Variants in SENP7 observed in about 807,000 individuals in gnomAD.
The protein encoded by SENP7 is sentrin-specific protease 7.
In SENP7, 64 loss-of-function variants were observed where a neutral mutation model predicts 141.2. The observed-to-expected ratio is 0.45, with a 90% CI of 0.37 to 0.56. The LOEUF (loss-of-function observed/expected upper bound fraction) is 0.56. SENP7 is among the 20% of genes least tolerant of loss of function. The pLI, the probability that SENP7 is intolerant of heterozygous loss-of-function variation, is 0.00. For missense variants in SENP7, 1,025 were observed against 1,212.2 expected (o/e 0.85, Z 2.29); for synonymous variants, 382 against 426.4 (o/e 0.90, Z 1.28).
intron 23 of SENP7, 39 bp downstream of exon 23, chr3:101,327,627 G>T (rs762067129): frequency 3.9e-6 from 6 of 1,524,804 alleles, no homozygotes; most frequent in Non-Finnish European, 2.7e-6. Context: ...CCGTATGGTG[G>T]TAACTGTGAA....
chr3:101,397,175 C>A (rs1454983596), intron 6 of SENP7, among the ~76,000 whole-genome samples: 1 of 151,990 alleles, frequency 6.6e-6, no homozygotes, highest in Middle Eastern at 3.4e-3. Context: ...GCCCTGTCAC[C>A]CAGGCTAGGA....
At chr3:101,361,152 C>A (rs1351719899) in intron 11 of SENP7, among the ~76,000 whole-genome samples, 1 of 151,824 alleles carries the variant, frequency 6.6e-6, no homozygotes, top group African/African-American at 2.4e-5. Flanking sequence ...TTGCAGTGAG[C>A]CAAGATCAGT....
Position 101,417,585 on chromosome 3 carries a change from C to T in SENP7, c.482+8G>A, listed in dbSNP as rs1408093183. 6.2e-7 allele frequency: 1 copy of T among 1,604,236 alleles called. No individual in the cohort carries two copies. Among genetic ancestry groups the T allele is most frequent in the African/African-American group, 1.3e-5 (1 of 74,704 alleles). ...TAAGTTGAACAAAATCAATACTGAACAACATACCTTTCAGATAAATTAAGG... is the reference window on the plus strand; with the variant it reads ...TAAGTTGAACAAAATCAATACTGAATAACATACCTTTCAGATAAATTAAGG... On this transcript the variant is annotated splice_region_variant and intron_variant, in intron 5 of 23. Coordinates refer to ENST00000394095, the MANE Select transcript of SENP7 (RefSeq NM_020654.5).
At chr3:101,429,417 T>C (rs1248799531) in intron 4 of SENP7, among the ~76,000 whole-genome samples, 1 of 152,192 alleles carries the variant, frequency 6.6e-6, no homozygotes, top group Non-Finnish European at 1.5e-5. Flanking sequence ...ACATCCCTTG[T>C]AAGTTGGATT....
intron 7 of SENP7, among the ~76,000 whole-genome samples, chr3:101,370,274 G>C (rs535514566): frequency 1.3e-5 from 2 of 152,220 alleles, no homozygotes; most frequent in South Asian, 4.1e-4. Flanking sequence ...GTCAATGTGA[G>C]GACTGTTAGT....
At chr3:101,352,993 G>C (rs927519171) in intron 11 of SENP7, among the ~76,000 whole-genome samples, 3 of 151,958 alleles carry the variant, frequency 2.0e-5, no homozygotes, top group Non-Finnish European at 2.9e-5. Context: ...ACTTACACAA[G>C]TAGTAAGTAG....
intron 4 of SENP7, among the ~76,000 whole-genome samples, chr3:101,421,536 G>T (rs2061791293): frequency 6.6e-6 from 1 of 151,942 alleles, no homozygotes; most frequent in Admixed American, 6.6e-5. Context: ...ATTCAATGTT[G>T]GAAAAAGCCA....
At chr3:101,357,358 C>T (rs2059772782) in intron 11 of SENP7, 1 of 688,378 alleles carries the variant, frequency 1.5e-6, no homozygotes, top group Admixed American at 2.0e-5. Flanking sequence ...TAGAGAACTA[C>T]AGAAACCTGT....
intron 3 of SENP7, among the ~76,000 whole-genome samples, chr3:101,482,918 T>C (rs1333988320): frequency 6.6e-6 from 1 of 152,152 alleles, no homozygotes; most frequent in African/African-American, 2.4e-5. Flanking sequence ...CCAGTCAGAA[T>C]GGCTATTACT....
chr3:101,344,995 A>C (rs2059421154), intron 13 of SENP7, among the ~76,000 whole-genome samples: 3 of 49,352 alleles, frequency 6.1e-5, no homozygotes, highest in South Asian at 6.4e-4. Flanking sequence ...AGAAAGCAAA[A>C]AAAAAAAAAA....
chr3:101,342,877 G>A (rs2059363575), intron 14 of SENP7, among the ~76,000 whole-genome samples: 1 of 152,076 alleles, frequency 6.6e-6, no homozygotes, highest in Non-Finnish European at 1.5e-5. Flanking sequence ...TGTTGGCCAA[G>A]ATGGTCTCAA....
Position 101,341,711 on chromosome 3 carries a change from G to C in SENP7, c.2175C>G (p.Ser725=), listed in dbSNP as rs752705471. 8 of 1,611,990 alleles carry C rather than the reference G, an allele frequency of 5.0e-6. No homozygotes were observed. In the East Asian group the frequency reaches 1.6e-4, roughly 31 times the overall value. Residue 725 remains serine, a synonymous_variant, in exon 15 of 24, where the codon TCC becomes TCG. Coordinates refer to ENST00000394095, the MANE Select transcript of SENP7 (RefSeq NM_020654.5). Reference sequence around the variant, plus strand: ...CATCTGGATTAGATGTAATAGAAAGGGAGTAGCAACCGCTACTTTGCTTCT... The same window carrying C: ...CATCTGGATTAGATGTAATAGAAAGCGAGTAGCAACCGCTACTTTGCTTCT... ...FLQKQSSGCY[S]LSITSNPDEE... is the part of the protein sequence containing the mutation.
intron 4 of SENP7, among the ~76,000 whole-genome samples, chr3:101,451,205 G>A (rs987807178): frequency 5.3e-5 from 8 of 152,294 alleles, no homozygotes; most frequent in African/African-American, 1.9e-4. Context: ...AACAGGTTCT[G>A]AAATTGAGGC....
chr3:101,364,786 A>G (rs2059992088), intron 10 of SENP7, 48 bp downstream of exon 10: 2 of 1,271,926 alleles, frequency 1.6e-6, no homozygotes, highest in African/African-American at 1.5e-5. Flanking sequence ...TCATTAACCA[A>G]TAGTGTACAT....
intron 1 of SENP7, among the ~76,000 whole-genome samples, chr3:101,508,531 G>A (rs769562797): frequency 2.6e-5 from 4 of 151,974 alleles, no homozygotes; most frequent in Non-Finnish European, 5.9e-5. Context: ...CCCAGGAGGC[G>A]GAGCTTGCAG....
At chr3:101,396,953 C>A (rs1295921440) in intron 6 of SENP7, among the ~76,000 whole-genome samples, 2 of 152,234 alleles carry the variant, frequency 1.3e-5, no homozygotes, top group Admixed American at 6.5e-5. Flanking sequence ...AAGCAATTCT[C>A]CTGCCTCAGC....
At chr3:101,474,371 T>C (rs1460239757) in intron 3 of SENP7, among the ~76,000 whole-genome samples, 1 of 152,214 alleles carries the variant, frequency 6.6e-6, no homozygotes, top group East Asian at 1.9e-4. Flanking sequence ...CAGTGTTTTG[T>C]AGTTCTCCTT....
intron 3 of SENP7, among the ~76,000 whole-genome samples, chr3:101,477,789 TGCAGTGAGC>T (rs2064280728): frequency 6.6e-6 from 1 of 151,338 alleles, no homozygotes; most frequent in Non-Finnish European, 1.5e-5. Flanking sequence ...AGGTAGAGGT[TGCAGTGAGC>T]CAAGATCACG....
intron 4 of SENP7, among the ~76,000 whole-genome samples, chr3:101,435,884 A>G (rs2062370016): frequency 6.6e-6 from 1 of 152,146 alleles, no homozygotes; most frequent in Admixed American, 6.5e-5. Context: ...ATCCCCATCA[A>G]AACACCAGTG....
Sources: gnomAD v4.1 joint callset for allele counts (sites outside exome capture counted in the v4.1 genomes callset) on GRCh38, gnomAD v4.1.1 for gene constraint, MANE v1.5 for transcripts, NCBI Gene and HGNC (gene_info 2026-07-23, HGNC 2026-07-21) for gene names.